BLK: variants seen among roughly 807,000 people sequenced by gnomAD.
The protein encoded by BLK is tyrosine-protein kinase Blk.
Under a neutral mutation model 61.8 loss-of-function variants are expected in BLK, and 64 were observed. The ratio of observed to expected loss-of-function variants is 1.03; its 90% CI spans 0.85 to 1.27. BLK has a LOEUF of 1.27. Among genes scored for constraint, BLK ranks in the 50% most tolerant of loss-of-function variants. The pLI is 0.00. For synonymous variants in BLK, 351 were observed against 272.0 expected, an observed-to-expected ratio of 1.29 and a Z score of -2.86; for missense variants, 853 against 660.5, an observed-to-expected ratio of 1.29 and a Z score of -3.19.
chr8:11,561,337 T>C lies in BLK; in HGVS notation c.1065T>C (p.Asn355=), dbSNP rs139119999. ...AEGMAYIERM[N]SIHRDLRAAN... is the part of the protein sequence containing the mutation. ...GGATGGCATACATTGAGCGCATGAA[T>C]TCCATCCACCGCGACCTGCGGGCGG... Residue 355 remains asparagine, a synonymous_variant, in exon 11 of 13, where the codon AAT becomes AAC. Coordinates refer to ENST00000259089, the MANE Select transcript of BLK (RefSeq NM_001715.3). The C allele has an allele frequency of 2.9e-5, 46 of 1,613,932 alleles. 1 individual carries two copies. The African/African-American group carries it at 4.7e-4, about 16-fold the overall frequency.
At chr8:11,529,686 T>C (rs918717285) in intron 1 of BLK, among the ~76,000 whole-genome samples, 6 of 152,212 alleles carry the variant, frequency 3.9e-5, no homozygotes, top group Admixed American at 2.0e-4. Flanking sequence ...AATGCGCTGT[T>C]ATTGTCTTCA....
chr8:11,564,431 G>A lies in BLK; in HGVS notation c.*323G>A, dbSNP rs1442345528. 4 of 587,132 alleles carry A rather than the reference G, an allele frequency of 6.8e-6. No homozygotes were observed. The highest frequency in any genetic ancestry group is 6.1e-5 in the South Asian group (4 of 65,758). 36.4% of individuals were successfully genotyped at this position (587,132 alleles called of 1,614,324 possible). Reference sequence around the variant, plus strand: ...TGTCATCAAGTAAGGCCCCCGTGCTGGGCACCCCCCGTGCTGGCCGCGTCC... The same window carrying A: ...TGTCATCAAGTAAGGCCCCCGTGCTAGGCACCCCCCGTGCTGGCCGCGTCC... On this transcript the variant is annotated 3_prime_UTR_variant, in exon 13 of 13. Coordinates refer to ENST00000259089, the MANE Select transcript of BLK (RefSeq NM_001715.3).
chr8:11,555,201 G>T (rs1195991580), intron 7 of BLK, 131 bp from the exon 8 acceptor site: 1 of 1,228,764 alleles, frequency 8.1e-7, no homozygotes, highest in Non-Finnish European at 1.2e-6. Context: ...GCATGTGCAG[G>T]CGTGTGCACA....
intron 1 of BLK, among the ~76,000 whole-genome samples, chr8:11,530,580 A>C (rs1198693402): frequency 6.6e-6 from 1 of 152,248 alleles, no homozygotes; most frequent in Non-Finnish European, 1.5e-5. Flanking sequence ...CTCACAAATA[A>C]TTTCCAAATT....
chr8:11,507,447 G>A (rs1798819624), intron 1 of BLK, among the ~76,000 whole-genome samples: 2 of 152,220 alleles, frequency 1.3e-5, no homozygotes, highest in African/African-American at 4.8e-5. Flanking sequence ...GAAAGGCAGG[G>A]ATGACCACCC....
Position 11,546,054 on chromosome 8 carries a change from T to C in BLK, c.126T>C (p.Val42=), listed in dbSNP as rs571333916. The C allele has an allele frequency of 1.4e-5, 23 of 1,614,142 alleles. No individual in the cohort carries two copies. The highest frequency in any genetic ancestry group is 1.6e-4 in the Middle Eastern group (1 of 6,062). The change falls in exon 3 of 13, where the codon GTT becomes GTC. Residue 42 remains valine, a splice_region_variant and synonymous_variant. Coordinates refer to ENST00000259089, the MANE Select transcript of BLK (RefSeq NM_001715.3). Reference sequence around the variant, plus strand: ...CAAGTGTGTGTTTTCTACCCAAGGTTGTCTTCAACCACCTTACTCCTCCAC... The same window carrying C: ...CAAGTGTGTGTTTTCTACCCAAGGTCGTCTTCAACCACCTTACTCCTCCAC... ...DKDAPPLPPL[V]VFNHLTPPPP... is the part of the protein sequence containing the mutation.
chr8:11,498,954 T>A (rs543768095), intron 1 of BLK, among the ~76,000 whole-genome samples: 4 of 152,372 alleles, frequency 2.6e-5, no homozygotes, highest in African/African-American at 7.2e-5. Flanking sequence ...TGACAACTTC[T>A]TTGATTTACT....
At chr8:11,502,402 T>G (rs1341482654) in intron 1 of BLK, among the ~76,000 whole-genome samples, 1 of 151,976 alleles carries the variant, frequency 6.6e-6, no homozygotes, top group East Asian at 1.9e-4. Context: ...CTCCTGGGTT[T>G]AAGGGATTCT....
At position 11,546,023 on chromosome 8, in the gene BLK, A is replaced by G. The variant is rs147622122; in HGVS notation, c.124-29A>G. ...CCCCACCCACGCAGCAGGGACTGAA[A>G]TAACTCAAGTGTGTGTTTTCTACCC... On this transcript the variant is annotated intron_variant, in intron 2 of 12. Transcript: ENST00000259089. 7.9e-4 allele frequency: 1,272 copies of G among 1,613,204 alleles called. 2 individuals carry two copies. Among genetic ancestry groups the G allele is most frequent in the South Asian group, 8.6e-4 (78 of 91,060 alleles).
chr8:11,517,725 A>C (rs1799282582), intron 1 of BLK, among the ~76,000 whole-genome samples: 1 of 152,186 alleles, frequency 6.6e-6, no homozygotes, highest in Non-Finnish European at 1.5e-5. Context: ...TTCCCAGCCA[A>C]GCCAGAGGCT....
intron 1 of BLK, among the ~76,000 whole-genome samples, chr8:11,504,194 C>A (rs1430279047): frequency 6.6e-6 from 1 of 151,868 alleles, no homozygotes; most frequent in African/African-American, 2.4e-5. Flanking sequence ...TGGTGGTGTG[C>A]GACTGTAATC....
At chr8:11,501,841 C>A (rs913110565) in intron 1 of BLK, among the ~76,000 whole-genome samples, 5 of 152,214 alleles carry the variant, frequency 3.3e-5, no homozygotes, top group African/African-American at 4.8e-5. Context: ...AGCCTTAGTG[C>A]CATGAGCGGC....
At chr8:11,548,938 A>G in intron 4 of BLK, 86 bp from the exon 5 acceptor site, 1 of 1,194,592 alleles carries the variant, frequency 8.4e-7, no homozygotes, top group Non-Finnish European at 1.2e-6. Context: ...CTCCAGGGAG[A>G]GATGACTTTG....
At chr8:11,555,784 G>C (rs1801185573) in intron 8 of BLK, 1 of 466,844 alleles carries the variant, frequency 2.1e-6, no homozygotes, top group Admixed American at 3.2e-5. Context: ...AGCTGCAGCG[G>C]CGCGTTAACT....
intron 1 of BLK, among the ~76,000 whole-genome samples, chr8:11,537,008 A>G (rs765958467): frequency 5.3e-5 from 8 of 152,156 alleles, no homozygotes; most frequent in Non-Finnish European, 1.2e-4. Context: ...GTTGACAGCA[A>G]CTGAATGTCT....
intron 1 of BLK, chr8:11,509,584 G>C (rs1235020713): frequency 1.3e-5 from 2 of 152,132 alleles, no homozygotes; most frequent in Non-Finnish European, 2.9e-5. Context: ...GTCTAAGCCT[G>C]GGGGTGCTCT....
At chr8:11,525,843 C>T (rs1799632964) in intron 1 of BLK, among the ~76,000 whole-genome samples, 1 of 152,138 alleles carries the variant, frequency 6.6e-6, no homozygotes, top group African/African-American at 2.4e-5. Flanking sequence ...CTCCCTGGTT[C>T]AAGCGATTCT....
rs4841561 is a variant in BLK at position 11,561,264 on chromosome 8, C to T, written c.1030-38C>T. The T allele has an allele frequency of 0.38, 614,965 of 1,599,138 alleles. 127,054 individuals are homozygous for T. Among genetic ancestry groups the T allele is most frequent in the East Asian group, 0.92 (40,470 of 43,990 alleles). On this transcript the variant is annotated intron_variant, in intron 10 of 12. Coordinates refer to ENST00000259089, the MANE Select transcript of BLK (RefSeq NM_001715.3). ...TGTGGGCTCGGTCTTGGCGTGGAGGCCCCCAGGCTGTCCTTCACCATGTGC... is the reference window on the plus strand; with the variant it reads ...TGTGGGCTCGGTCTTGGCGTGGAGGTCCCCAGGCTGTCCTTCACCATGTGC...
rs781324612 is a variant in BLK at position 11,556,832 on chromosome 8, C to G, written c.947C>G (p.Ala316Gly). The change falls in exon 9 of 13, where the codon GCC (alanine) becomes GGC (glycine). Residue 316 changes from alanine (A) to glycine (G), a missense_variant. Ala to Gly is a moderately conservative substitution (Grantham distance 60). Transcript: ENST00000259089. ...EPIYIVTEYM[A>G]RGCLLDFLKT... ...ATCTACATTGTCACCGAGTACATGG[C>G]CAGAGGTGGTGCCCCCCGCAGAGCC... 1.9e-6 allele frequency: 3 copies of G among 1,613,932 alleles called. No homozygotes were observed. The highest frequency in any genetic ancestry group is 2.5e-6 in the Non-Finnish European group (3 of 1,179,914).
Sources: gnomAD v4.1 joint callset for allele counts (sites outside exome capture counted in the v4.1 genomes callset) on GRCh38, gnomAD v4.1.1 for gene constraint, MANE v1.5 for transcripts, NCBI Gene and HGNC (gene_info 2026-07-23, HGNC 2026-07-21) for gene names.